HSD17B14: variants seen among roughly 807,000 people sequenced by gnomAD.
HSD17B14 encodes the protein hydroxysteroid 17-beta dehydrogenase 14.
A neutral mutation model predicts 32.2 loss-of-function variants in HSD17B14; 32 were observed. That is an observed-to-expected ratio of 0.99 (90% confidence interval 0.75 to 1.33). HSD17B14 has a LOEUF of 1.33. Among genes scored for constraint, HSD17B14 ranks in the 40% most tolerant of loss-of-function variants. The pLI, the probability that HSD17B14 is intolerant of heterozygous loss-of-function variation, is 0.00. For missense variants in HSD17B14, 370 were observed against 366.5 expected, an observed-to-expected ratio of 1.01 and a Z score of -0.08; for synonymous variants, 140 against 155.4, an observed-to-expected ratio of 0.90 and a Z score of 0.74.
At chr19:48,818,312 AAAAAAGAAAAAAG>A (rs2035090276) in intron 5 of HSD17B14, among the ~76,000 whole-genome samples, 2 of 88,228 alleles carry the variant, frequency 2.3e-5, no homozygotes, top group Admixed American at 1.2e-4. Flanking sequence ...CTGTCTCAAA[AAAAAAGAAAAAAG>A]AAAAAAGAAA....
At chr19:48,821,254 C>G (rs973746258) in intron 5 of HSD17B14, among the ~76,000 whole-genome samples, 4 of 152,052 alleles carry the variant, frequency 2.6e-5, no homozygotes, top group Admixed American at 1.3e-4. Context: ...ACCTCGTGAT[C>G]CACCCGCCTT....
chr19:48,834,521 G>T (rs866040048), intron 2 of HSD17B14, among the ~76,000 whole-genome samples, 163 bp from the exon 3 acceptor site: 22 of 102,898 alleles, frequency 2.1e-4, no homozygotes, highest in Admixed American at 1.1e-3. Flanking sequence ...AGGAAGTAGG[G>T]CCTGGGGGCC....
chr19:48,822,326 GTGA>G (rs2035169461), intron 5 of HSD17B14, among the ~76,000 whole-genome samples: 1 of 144,728 alleles, frequency 6.9e-6, no homozygotes, highest in African/African-American at 2.6e-5. Flanking sequence ...GGCAATGATG[GTGA>G]TGGTGATGAT....
At chr19:48,823,819 T>G (rs898171959) in intron 5 of HSD17B14, among the ~76,000 whole-genome samples, 1 of 151,262 alleles carries the variant, frequency 6.6e-6, no homozygotes, top group Non-Finnish European at 1.5e-5. Context: ...TTTTGTATTT[T>G]CAGTAGAGAC....
intron 1 of HSD17B14, 60 bp downstream of exon 1, chr19:48,836,264 C>T: frequency 6.6e-7 from 1 of 1,519,522 alleles, no homozygotes; most frequent in Non-Finnish European, 9.1e-7. Flanking sequence ...GCCCCCATCA[C>T]CCCGCCCCCA....
chr19:48,817,200 CAG>C (rs2035072302), intron 5 of HSD17B14, among the ~76,000 whole-genome samples: 1 of 143,384 alleles, frequency 7.0e-6, no homozygotes, highest in Non-Finnish European at 1.5e-5. Flanking sequence ...TTTTTTGAGA[CAG>C]AGTCTCACTC....
chr19:48,833,608 T>C (rs1281218283), intron 3 of HSD17B14, among the ~76,000 whole-genome samples: 6 of 150,812 alleles, frequency 4.0e-5, no homozygotes, highest in Non-Finnish European at 5.9e-5. Flanking sequence ...GGGCGGATCA[T>C]CTGAGGTTGG....
chr19:48,823,646 T>TC (rs2035195840), intron 5 of HSD17B14, among the ~76,000 whole-genome samples: 1 of 150,972 alleles, frequency 6.6e-6, no homozygotes, highest in East Asian at 2.0e-4. Context: ...TTTCTTTCTT[T>TC]TTTTTTTTGA....
At chr19:48,817,371 G>T (rs1245115515) in intron 5 of HSD17B14, among the ~76,000 whole-genome samples, 1 of 150,860 alleles carries the variant, frequency 6.6e-6, no homozygotes, top group East Asian at 2.0e-4. Flanking sequence ...TAGAGATGGG[G>T]TTTCACCATG....
chr19:48,832,817 G>T, intron 3 of HSD17B14, 85 bp from the exon 4 acceptor site: 1 of 1,163,592 alleles, frequency 8.6e-7, no homozygotes, highest in Non-Finnish European at 1.3e-6. Flanking sequence ...GCATTGGCAC[G>T]ATCTTGGCTC....
At position 48,833,766 on chromosome 19, in the gene HSD17B14, C is replaced by T. The variant is rs550007448; in HGVS notation, c.210+510G>A. On this transcript the variant is annotated intron_variant, in intron 3 of 8. Transcript: ENST00000263278. ...ACTTGAAGCTGGGAGGCAGAGGTTG[C>T]GGTGAGCCGAGATCACACCATTGCA... 3.2e-4 allele frequency among the ~76,000 whole-genome samples: 48 copies of T among 151,570 alleles called. 1 individual carries two copies. Among genetic ancestry groups the T allele is most frequent in the East Asian group, 1.2e-3 (6 of 5,154 alleles).
intron 3 of HSD17B14, among the ~76,000 whole-genome samples, chr19:48,833,931 A>G (rs554107633): frequency 1.3e-5 from 2 of 151,430 alleles, no homozygotes; most frequent in East Asian, 1.9e-4. Flanking sequence ...CTGAGGTTGC[A>G]GTGAGCCGAG....
intron 5 of HSD17B14, among the ~76,000 whole-genome samples, chr19:48,825,866 G>A (rs1405422801): frequency 2.0e-5 from 3 of 151,968 alleles, no homozygotes; most frequent in Admixed American, 2.0e-4. Flanking sequence ...TGTCACCCAG[G>A]CTGGAGTGCA....
chr19:48,824,323 C>A (rs1032950630), intron 5 of HSD17B14, among the ~76,000 whole-genome samples: 1 of 125,572 alleles, frequency 8.0e-6, no homozygotes, highest in African/African-American at 3.1e-5. Flanking sequence ...AGCTACTCGG[C>A]GGGCTGAGAG....
Position 48,836,468 on chromosome 19 carries a change from C to T in HSD17B14, c.-57G>A. On this transcript the variant is annotated 5_prime_UTR_variant, in exon 1 of 9. Coordinates refer to ENST00000263278, the MANE Select transcript of HSD17B14 (RefSeq NM_016246.3). ...TCTGGGCCTCTTTCACCTCCAAAGC[C>T]CCGTGAGGCCGTCGCATCAAATCCT... is the stretch of plus-strand genomic sequence containing the variant. The T allele has an allele frequency of 6.4e-7, 1 of 1,554,574 alleles. No individual in the cohort carries two copies. Among genetic ancestry groups the T allele is most frequent in the Non-Finnish European group, 8.8e-7 (1 of 1,131,152 alleles).
chr19:48,836,451 T>C lies in HSD17B14; in HGVS notation c.-40A>G. 2 of 1,594,920 alleles carry C rather than the reference T, an allele frequency of 1.3e-6. No individual in the cohort carries two copies. The highest frequency in any genetic ancestry group is 1.7e-6 in the Non-Finnish European group (2 of 1,165,152). Reference sequence around the variant, plus strand: ...TCTCTCTCTCTCTCTACTCTGGGCCTCTTTCACCTCCAAAGCCCCGTGAGG... The same window carrying C: ...TCTCTCTCTCTCTCTACTCTGGGCCCCTTTCACCTCCAAAGCCCCGTGAGG... On this transcript the variant is annotated 5_prime_UTR_variant, in exon 1 of 9. Transcript: ENST00000263278.
At chr19:48,821,395 C>T (rs1419612254) in intron 5 of HSD17B14, among the ~76,000 whole-genome samples, 1 of 152,166 alleles carries the variant, frequency 6.6e-6, no homozygotes, top group African/African-American at 2.4e-5. Context: ...TTCTGTGGAT[C>T]CCTACTGCCC....
rs748405562 is a variant in HSD17B14 at position 48,813,534 on chromosome 19, G to T, written c.561C>A (p.Ile187=). 8 of 1,614,030 alleles carry T rather than the reference G, an allele frequency of 5.0e-6. No homozygotes were observed. In the African/African-American group the frequency reaches 1.1e-4, roughly 22 times the overall value. Residue 187 remains isoleucine (I), a synonymous_variant, in exon 8 of 9, where the codon ATC becomes ATA. Transcript: ENST00000263278. ...CCAGCTCCTCCCACAGCGGGGTCCAGATGTTTCCTGGGGAGATACTAGAGG... is the reference window on the plus strand; with the variant it reads ...CCAGCTCCTCCCACAGCGGGGTCCATATGTTTCCTGGGGAGATACTAGAGG... The part of the protein sequence containing the change: ...VRVNCISPGN[I]WTPLWEELAA...
chr19:48,835,968 A>G, intron 1 of HSD17B14, 125 bp from the exon 2 acceptor site: 1 of 825,996 alleles, frequency 1.2e-6, no homozygotes, highest in African/African-American at 1.7e-5. Flanking sequence ...ATGATCACCC[A>G]TAGGACAGAG....
Sources: allele counts gnomAD v4.1 joint callset (sites outside exome capture counted in the v4.1 genomes callset), GRCh38; gene constraint gnomAD v4.1.1; transcripts MANE v1.5; gene names NCBI Gene and HGNC (gene_info 2026-07-23, HGNC 2026-07-21).